Variants in LINGO2 observed in about 807,000 individuals in gnomAD.
LINGO2 encodes the protein leucine rich repeat and Ig domain containing 2.
A neutral mutation model predicts 30.6 loss-of-function variants in LINGO2; 14 were observed. The ratio of observed to expected loss-of-function variants is 0.46; its 90% CI spans 0.30 to 0.72. The LOEUF (loss-of-function observed/expected upper bound fraction) is 0.72. Ranked by LOEUF, LINGO2 falls within the 30% of genes least tolerant of loss-of-function variation. LINGO2 has a pLI of 0.07. For synonymous variants in LINGO2, 317 were observed against 288.5 expected (o/e 1.10, Z -1.00); for missense variants, 729 against 751.7 (o/e 0.97, Z 0.35).
chr9:28,806,174 C>G, the LINGO2 span, among the ~76,000 whole-genome samples: 1 of 152,040 alleles, frequency 6.6e-6, no homozygotes, highest in African/African-American at 2.4e-5. Flanking sequence ...AATGGAGACT[C>G]AAAATTCTAC....
chr9:28,657,577 T>C (rs1288147854), intron 1 of LINGO2, among the ~76,000 whole-genome samples: 2 of 151,982 alleles, frequency 1.3e-5, no homozygotes, highest in Non-Finnish European at 2.9e-5. Flanking sequence ...ATCCTTTTCA[T>C]TGATGTAAAA....
chr9:29,162,071 CATCACGCA>C, the LINGO2 span, among the ~76,000 whole-genome samples: 1 of 152,092 alleles, frequency 6.6e-6, no homozygotes, highest in Non-Finnish European at 1.5e-5. Context: ...AGGCACCCGC[CATCACGCA>C]TGGCTAATTT....
chr9:28,003,611 G>T (rs1392562790), intron 5 of LINGO2, among the ~76,000 whole-genome samples: 1 of 152,080 alleles, frequency 6.6e-6, no homozygotes, highest in Admixed American at 6.6e-5. Flanking sequence ...ACAGGCGCCT[G>T]CCACCACACC....
At chr9:28,988,718 G>T in the LINGO2 span, among the ~76,000 whole-genome samples, 4 of 152,130 alleles carry the variant, frequency 2.6e-5, no homozygotes, top group Non-Finnish European at 5.9e-5. Context: ...AGTGCTTCTG[G>T]CTCTCTTTTT....
At chr9:28,463,003 C>T (rs2135128986) in intron 2 of LINGO2, among the ~76,000 whole-genome samples, 1 of 152,126 alleles carries the variant, frequency 6.6e-6, no homozygotes, top group South Asian at 2.1e-4. Flanking sequence ...ATATCCTGAA[C>T]AAAGAATACT....
intron 4 of LINGO2, among the ~76,000 whole-genome samples, chr9:28,059,320 T>G (rs188762058): frequency 2.6e-4 from 40 of 152,272 alleles, no homozygotes; most frequent in Admixed American, 2.4e-3. Context: ...CTCCCAGAGC[T>G]CGGGGCCTTC....
the LINGO2 span, among the ~76,000 whole-genome samples, chr9:28,814,496 T>C: frequency 6.6e-6 from 1 of 152,204 alleles, no homozygotes; most frequent in Non-Finnish European, 1.5e-5. Context: ...GGTAACACCG[T>C]CTTTTTCCAG....
the LINGO2 span, among the ~76,000 whole-genome samples, chr9:28,710,805 T>G: frequency 1.3e-5 from 2 of 152,054 alleles, no homozygotes; most frequent in Non-Finnish European, 2.9e-5. Context: ...CCATTAGATT[T>G]AAAAAAATAT....
intron 2 of LINGO2, among the ~76,000 whole-genome samples, chr9:28,393,318 C>T (rs1440126564): frequency 6.6e-6 from 1 of 152,214 alleles, no homozygotes; most frequent in East Asian, 1.9e-4. Flanking sequence ...TTTGTATTAT[C>T]TCATTAAGTC....
At chr9:28,039,556 A>G (rs894184512) in intron 4 of LINGO2, among the ~76,000 whole-genome samples, 9 of 152,182 alleles carry the variant, frequency 5.9e-5, no homozygotes, top group Admixed American at 1.3e-4. Flanking sequence ...TAACAGTGCT[A>G]TCTCTTATAA....
At chr9:28,246,755 G>T (rs62555373) in intron 4 of LINGO2, among the ~76,000 whole-genome samples, 5 of 152,054 alleles carry the variant, frequency 3.3e-5, no homozygotes, top group Middle Eastern at 3.2e-3. Flanking sequence ...TGGCAAATGG[G>T]TTCTAATTAA....
the LINGO2 span, chr9:27,938,327 T>C: frequency 6.6e-6 from 1 of 152,166 alleles, no homozygotes; most frequent in Non-Finnish European, 1.5e-5. Flanking sequence ...GGGTTCATAC[T>C]CAATGATATC....
chr9:28,642,580 G>C (rs1310807815), intron 1 of LINGO2, among the ~76,000 whole-genome samples: 2 of 152,080 alleles, frequency 1.3e-5, no homozygotes, highest in African/African-American at 4.8e-5. Flanking sequence ...CTAGTCTTAA[G>C]TGATTTCTAC....
At chr9:28,766,897 G>A in the LINGO2 span, among the ~76,000 whole-genome samples, 1 of 151,978 alleles carries the variant, frequency 6.6e-6, no homozygotes, top group Non-Finnish European at 1.5e-5. Flanking sequence ...CAACACAGAT[G>A]AACATGGAGG....
intron 4 of LINGO2, among the ~76,000 whole-genome samples, chr9:28,179,143 TTTATTGGAA>T (rs960952957): frequency 2.0e-5 from 3 of 151,518 alleles, no homozygotes; most frequent in Non-Finnish European, 2.9e-5. Flanking sequence ...CCTCCTATAT[TTTATTGGAA>T]ACTTGATACT....
At chr9:29,006,686 T>G in the LINGO2 span, among the ~76,000 whole-genome samples, 1 of 152,066 alleles carries the variant, frequency 6.6e-6, no homozygotes, top group Non-Finnish European at 1.5e-5. Context: ...CTTAACTGAG[T>G]AAACACGGGT....
In LINGO2 at chr9:28,556,388, C is replaced by A. The variant is rs185012499; in HGVS notation, c.-364-80363G>T. ...GAGAGCCAAATCATTAGTGAACTCC[C>A]ACTCACAATTGCTTCAAAGAGAATA... On this transcript the variant is annotated intron_variant, in intron 1 of 5. Transcript: ENST00000379992. Among the ~76,000 whole-genome samples, 894 of 152,148 alleles carry A rather than the reference C, an allele frequency of 5.9e-3. 3 individuals carry two copies. Among genetic ancestry groups the A allele is most frequent in the Admixed American group, 0.012 (189 of 15,284 alleles).
intron 1 of LINGO2, among the ~76,000 whole-genome samples, chr9:28,549,312 A>G (rs56153827): frequency 0.071 from 10,785 of 152,068 alleles, 618 homozygotes; most frequent in African/African-American, 0.16. Context: ...ACGCAGTTTT[A>G]GTTCATTAAT....
chr9:27,988,621 C>T (rs372885534), intron 5 of LINGO2, among the ~76,000 whole-genome samples: 2 of 151,842 alleles, frequency 1.3e-5, no homozygotes, highest in South Asian at 2.1e-4. Context: ...TTTTTCATGT[C>T]TGTCGGCTGC....
Sources: gnomAD v4.1 joint callset for allele counts (sites outside exome capture counted in the v4.1 genomes callset) on GRCh38, gnomAD v4.1.1 for gene constraint, MANE v1.5 for transcripts, NCBI Gene and HGNC (gene_info 2026-07-23, HGNC 2026-07-21) for gene names.